Variants in ABTB3 observed in about 807,000 individuals in gnomAD.
The protein encoded by ABTB3 is ankyrin repeat- and BTB/POZ domain-containing protein 3.
the ABTB3 span, among the ~76,000 whole-genome samples, chr12:107,623,356 GCC>G: frequency 7.8e-6 from 1 of 128,878 alleles, no homozygotes; most frequent in Non-Finnish European, 1.6e-5. Context: ...ACCACGCCTG[GCC>G]TTTTTTTTTT....
At chr12:107,483,617 T>A in the ABTB3 span, among the ~76,000 whole-genome samples, 1 of 152,226 alleles carries the variant, frequency 6.6e-6, no homozygotes, top group Non-Finnish European at 1.5e-5. Flanking sequence ...GTTGATCTGA[T>A]TCCCAAATGC....
chr12:107,544,094 A>C, the ABTB3 span: 4 of 1,614,116 alleles, frequency 2.5e-6, no homozygotes, highest in South Asian at 4.4e-5. Context: ...ATGGAATGGG[A>C]AAACCCCAAC....
chr12:107,511,750 A>G, the ABTB3 span, among the ~76,000 whole-genome samples: 1 of 152,282 alleles, frequency 6.6e-6, no homozygotes, highest in South Asian at 2.1e-4. Context: ...TCTTGCATGC[A>G]TATAGACAGG....
At chr12:107,365,374 G>A in the ABTB3 span, among the ~76,000 whole-genome samples, 13 of 152,112 alleles carry the variant, frequency 8.5e-5, no homozygotes, top group African/African-American at 2.9e-4. Flanking sequence ...GAGTTTTGGG[G>A]GATATGAAGG....
the ABTB3 span, among the ~76,000 whole-genome samples, chr12:107,417,925 G>C: frequency 1.3e-5 from 2 of 152,258 alleles, no homozygotes; most frequent in Non-Finnish European, 2.9e-5. Flanking sequence ...CCAGTAGGGA[G>C]AAGTTTGGAG....
chr12:107,616,190 T>G, the ABTB3 span, among the ~76,000 whole-genome samples: 1 of 152,144 alleles, frequency 6.6e-6, no homozygotes, highest in Admixed American at 6.5e-5. Flanking sequence ...CAGATGTCAT[T>G]CCTTAACATG....
the ABTB3 span, among the ~76,000 whole-genome samples, chr12:107,455,587 C>A: frequency 6.6e-6 from 1 of 152,114 alleles, no homozygotes; most frequent in Admixed American, 6.5e-5. Flanking sequence ...CATAGCAAAC[C>A]ACCCCAAAAC....
chr12:107,342,808 T>C, the ABTB3 span, among the ~76,000 whole-genome samples: 3 of 152,278 alleles, frequency 2.0e-5, no homozygotes, highest in Admixed American at 6.5e-5. Flanking sequence ...AATCAAGCCC[T>C]ACGTATTTCT....
the ABTB3 span, among the ~76,000 whole-genome samples, chr12:107,515,426 C>T: frequency 1.3e-5 from 2 of 152,218 alleles, no homozygotes; most frequent in Admixed American, 1.3e-4. Context: ...TCCCCTTTCC[C>T]TAACTAGAGG....
chr12:107,598,197 G>A, the ABTB3 span, among the ~76,000 whole-genome samples: 5 of 152,226 alleles, frequency 3.3e-5, no homozygotes, highest in Non-Finnish European at 5.9e-5. Context: ...GGAGGGTGGT[G>A]AGAGCTGTGG....
the ABTB3 span, among the ~76,000 whole-genome samples, chr12:107,341,753 G>T: frequency 1.3e-5 from 2 of 152,166 alleles, no homozygotes; most frequent in African/African-American, 2.4e-5. Flanking sequence ...AGTGTTGGAA[G>T]TGAGCCTGGT....
the ABTB3 span, among the ~76,000 whole-genome samples, chr12:107,455,932 T>A: frequency 1.3e-5 from 2 of 152,176 alleles, no homozygotes; most frequent in South Asian, 2.1e-4. Context: ...GGGCATAGCA[T>A]TCAATCTTGT....
chr12:107,553,533 A>G, the ABTB3 span, among the ~76,000 whole-genome samples: 2 of 152,202 alleles, frequency 1.3e-5, no homozygotes, highest in African/African-American at 4.8e-5. Flanking sequence ...AGGTGAGTGC[A>G]CAGAGAGTGA....
chr12:107,466,269 G>A, the ABTB3 span, among the ~76,000 whole-genome samples: 4 of 152,028 alleles, frequency 2.6e-5, no homozygotes, highest in Admixed American at 6.5e-5. Context: ...TTTTACCTAA[G>A]AGGATGGAGC....
At chr12:107,416,208 G>C in the ABTB3 span, among the ~76,000 whole-genome samples, 1 of 152,136 alleles carries the variant, frequency 6.6e-6, no homozygotes, top group Non-Finnish European at 1.5e-5. Context: ...GAGAAAGGAG[G>C]CTCTTCCATA....
the ABTB3 span, among the ~76,000 whole-genome samples, chr12:107,477,542 C>T: frequency 2.0e-5 from 3 of 152,092 alleles, no homozygotes; most frequent in East Asian, 1.9e-4. Flanking sequence ...TGAATGCTAT[C>T]GGTATGTCAT....
the ABTB3 span, among the ~76,000 whole-genome samples, chr12:107,604,719 A>G: frequency 6.6e-6 from 1 of 152,224 alleles, no homozygotes; most frequent in Non-Finnish European, 1.5e-5. Flanking sequence ...TTCCTCAAAA[A>G]ATTAAAAATA....
the ABTB3 span, among the ~76,000 whole-genome samples, chr12:107,523,446 G>C: frequency 1.3e-5 from 2 of 152,296 alleles, no homozygotes; most frequent in African/African-American, 2.4e-5. Context: ...TGTGGACCCT[G>C]TTTCAGAATA....
At chr12:107,525,257 G>A in the ABTB3 span, among the ~76,000 whole-genome samples, 2 of 138,422 alleles carry the variant, frequency 1.4e-5, no homozygotes, top group Admixed American at 1.6e-4. Flanking sequence ...AGCACTGGAG[G>A]TCAAGACTGC....
Sources: gnomAD v4.1 joint callset for allele counts (sites outside exome capture counted in the v4.1 genomes callset) on GRCh38, gnomAD v4.1.1 for gene constraint, MANE v1.5 for transcripts, NCBI Gene and HGNC (gene_info 2026-07-23, HGNC 2026-07-21) for gene names.